Variants in PLXDC2 observed in about 807,000 individuals in gnomAD.
The protein encoded by PLXDC2 is plexin domain-containing protein 2.
PLXDC2 carries 40 observed loss-of-function variants against 68.9 expected under a neutral mutation model. That is an observed-to-expected ratio of 0.58 (90% CI 0.45 to 0.76). The LOEUF (loss-of-function observed/expected upper bound fraction) is 0.76, where lower values mean the gene tolerates loss of function less well. Ranked by LOEUF, PLXDC2 falls within the 30% of genes least tolerant of loss-of-function variation. The pLI is 0.00. For synonymous variants in PLXDC2, 243 were observed against 234.2 expected, an observed-to-expected ratio of 1.04 and a Z score of -0.34; for missense variants, 644 against 661.9, an observed-to-expected ratio of 0.97 and a Z score of 0.30.
intron 1 of PLXDC2, among the ~76,000 whole-genome samples, chr10:19,830,301 A>G (rs1405862329): frequency 6.6e-6 from 1 of 152,232 alleles, no homozygotes; most frequent in Non-Finnish European, 1.5e-5. Context: ...TACCACACTC[A>G]GGGACTTGAG....
At chr10:19,933,815 A>AAGGAAGGAGGGAAGGAAGGAAGGAGGGG (rs1833679665) in intron 1 of PLXDC2, among the ~76,000 whole-genome samples, 1 of 136,540 alleles carries the variant, frequency 7.3e-6, no homozygotes, top group African/African-American at 2.6e-5. Flanking sequence ...GGAGGGAAAA[A>AAGGAAGGAGGGAAGGAAGGAAGGAGGGG]AGGAAGGAGG....
intron 4 of PLXDC2, among the ~76,000 whole-genome samples, chr10:20,076,357 C>T (rs779291428): frequency 6.6e-6 from 1 of 152,160 alleles, no homozygotes; most frequent in Non-Finnish European, 1.5e-5. Flanking sequence ...GTTCATAAGC[C>T]AAGGCAATCG....
intron 4 of PLXDC2, among the ~76,000 whole-genome samples, chr10:20,115,672 G>A (rs947250288): frequency 6.6e-6 from 1 of 152,096 alleles, no homozygotes; most frequent in African/African-American, 2.4e-5. Context: ...TTTTGTCTAC[G>A]CCTCCCCCAT....
chr10:19,930,753 G>T (rs1334981972), intron 1 of PLXDC2, among the ~76,000 whole-genome samples: 2 of 152,058 alleles, frequency 1.3e-5, no homozygotes, highest in African/African-American at 4.8e-5. Context: ...ACCTGAGGTT[G>T]GGAGTTCAAG....
chr10:19,846,672 A>G (rs932259076), intron 1 of PLXDC2, among the ~76,000 whole-genome samples: 1 of 152,104 alleles, frequency 6.6e-6, no homozygotes, highest in Admixed American at 6.6e-5. Context: ...TTGGGAGCCA[A>G]TGTCAAGATA....
intron 1 of PLXDC2, among the ~76,000 whole-genome samples, chr10:19,979,330 G>A (rs577735730): frequency 1.3e-5 from 2 of 151,798 alleles, no homozygotes; most frequent in Admixed American, 1.3e-4. Context: ...AGCCAATTTA[G>A]ATAAGCTTTA....
Position 19,947,425 on chromosome 10 carries a change from T to TGTC in PLXDC2, c.113-54349_113-54347dup, listed in dbSNP as rs761742647. ...AATCCTGACCCCGATGCTAGCTCTG[T>TGTC]GTCCCTGGCAAGTTACTTGACATTT... On this transcript the variant is annotated intron_variant, in intron 1 of 13. Transcript: ENST00000377252. Among the ~76,000 whole-genome samples, 36 of 152,362 alleles carry TGTC rather than the reference T, an allele frequency of 2.4e-4. No homozygotes were observed. In the East Asian group the frequency reaches 6.6e-3, roughly 28 times the overall value.
At chr10:19,911,774 T>C (rs1463639137) in intron 1 of PLXDC2, among the ~76,000 whole-genome samples, 1 of 152,244 alleles carries the variant, frequency 6.6e-6, no homozygotes, top group East Asian at 1.9e-4. Context: ...TTTCTATTTT[T>C]AGTTCATTAA....
chr10:20,101,769 T>A (rs1409932841), intron 4 of PLXDC2, among the ~76,000 whole-genome samples: 3 of 149,458 alleles, frequency 2.0e-5, no homozygotes, highest in Non-Finnish European at 4.4e-5. Context: ...GTCTATTAAG[T>A]GACAATATCT....
At chr10:20,082,185 T>C (rs1836579712) in intron 4 of PLXDC2, among the ~76,000 whole-genome samples, 1 of 151,824 alleles carries the variant, frequency 6.6e-6, no homozygotes, top group Admixed American at 6.6e-5. Flanking sequence ...AAGGACATTA[T>C]GTAAACAGAA....
intron 1 of PLXDC2, among the ~76,000 whole-genome samples, chr10:19,891,987 G>C (rs919975936): frequency 1.3e-4 from 20 of 151,966 alleles, no homozygotes; most frequent in African/African-American, 4.3e-4. Flanking sequence ...ATAGAAAAAA[G>C]AACTTATGCA....
chr10:19,977,148 C>T (rs867947709), intron 1 of PLXDC2, among the ~76,000 whole-genome samples: 1 of 152,086 alleles, frequency 6.6e-6, no homozygotes, highest in Non-Finnish European at 1.5e-5. Context: ...GCTGTTTGCT[C>T]GTATTGTGAA....
intron 1 of PLXDC2, among the ~76,000 whole-genome samples, chr10:19,879,446 G>A (rs1376799193): frequency 1.3e-5 from 2 of 151,930 alleles, no homozygotes; most frequent in African/African-American, 4.8e-5. Flanking sequence ...TATGTGTGAC[G>A]GTGCAAATCA....
intron 1 of PLXDC2, among the ~76,000 whole-genome samples, chr10:19,923,743 A>G (rs1342433833): frequency 2.6e-5 from 4 of 152,216 alleles, no homozygotes; most frequent in Non-Finnish European, 4.4e-5. Context: ...TTAATAATCT[A>G]TAACTGATTC....
chr10:20,086,847 A>G (rs1048644059), intron 4 of PLXDC2, among the ~76,000 whole-genome samples: 4 of 152,308 alleles, frequency 2.6e-5, no homozygotes, highest in Middle Eastern at 6.8e-3. Flanking sequence ...GTAATTGCCA[A>G]TCTGAATAAC....
At chr10:20,248,835 C>A (rs933740655) in intron 13 of PLXDC2, among the ~76,000 whole-genome samples, 1 of 152,138 alleles carries the variant, frequency 6.6e-6, no homozygotes, top group East Asian at 1.9e-4. Flanking sequence ...TAACAACATT[C>A]TTTTCTTGCC....
chr10:20,288,742 T>C lies in PLXDC2; in HGVS notation c.*8923T>C, dbSNP rs1836191460. 6.6e-6 allele frequency: 1 copy of C among 152,236 alleles called. No homozygotes were observed. Among genetic ancestry groups the C allele is most frequent in the Admixed American group, 6.5e-5 (1 of 15,284 alleles). The allele number at this position is 152,236 out of a possible 1,614,324, so 9.4% of individuals were successfully genotyped here. On this transcript the variant is annotated 3_prime_UTR_variant, in exon 14 of 14. Transcript: ENST00000377252. ...CTTAAACCAAGTTTCTCTGCAGCTC[T>C]TTCGGTTCTGCTTACAGTGTGTGGG...
intron 1 of PLXDC2, among the ~76,000 whole-genome samples, 154 bp downstream of exon 1, chr10:19,817,345 G>C (rs1484482474): frequency 6.6e-6 from 1 of 152,200 alleles, no homozygotes; most frequent in East Asian, 1.9e-4. Context: ...CTTCCCAAAT[G>C]GGGAAAGAGG....
intron 6 of PLXDC2, among the ~76,000 whole-genome samples, chr10:20,155,201 C>T (rs1241314030): frequency 6.6e-6 from 1 of 152,102 alleles, no homozygotes; most frequent in Non-Finnish European, 1.5e-5. Context: ...AAGATTATTT[C>T]TCTTATTTAA....
Sources: gnomAD v4.1 joint callset for allele counts (sites outside exome capture counted in the v4.1 genomes callset) on GRCh38, gnomAD v4.1.1 for gene constraint, MANE v1.5 for transcripts, NCBI Gene and HGNC (gene_info 2026-07-23, HGNC 2026-07-21) for gene names.